CEP85: variants seen among roughly 807,000 people sequenced by gnomAD.
The protein encoded by CEP85 is centrosomal protein of 85 kDa.
A neutral mutation model predicts 93.7 loss-of-function variants in CEP85; 58 were observed. The ratio of observed to expected loss-of-function variants is 0.62; its 90% CI spans 0.50 to 0.77. The LOEUF (loss-of-function observed/expected upper bound fraction) is 0.77. CEP85 is among the 30% of genes least tolerant of loss of function. The pLI is 0.00. For missense variants in CEP85, 868 were observed against 922.0 expected (o/e 0.94, Z 0.76); for synonymous variants, 314 against 338.6 (o/e 0.93, Z 0.80).
chr1:26,276,488 C>G (rs1557671508), intron 12 of CEP85, 47 bp from the exon 13 acceptor site: 1 of 1,453,116 alleles, frequency 6.9e-7, no homozygotes, highest in African/African-American at 1.4e-5. Flanking sequence ...AGATACTCTT[C>G]CTCTCCCTGG....
chr1:26,274,156 T>G (rs2090019807), intron 11 of CEP85, among the ~76,000 whole-genome samples: 1 of 151,812 alleles, frequency 6.6e-6, no homozygotes, highest in African/African-American at 2.4e-5. Context: ...AATATCTCCC[T>G]TCCCCTGACC....
At chr1:26,276,461 C>T in intron 12 of CEP85, 74 bp from the exon 13 acceptor site, 1 of 1,216,698 alleles carries the variant, frequency 8.2e-7, no homozygotes, top group South Asian at 1.3e-5. Flanking sequence ...CCCTTCCACA[C>T]CCACACACTC....
At position 26,259,733 on chromosome 1, in the gene CEP85, G is replaced by T. The variant is rs566054081; in HGVS notation, c.1272G>T (p.Gln424His). 3 of 1,614,044 alleles carry T rather than the reference G, an allele frequency of 1.9e-6. No homozygotes were observed. The highest frequency in any genetic ancestry group is 2.7e-5 in the African/African-American group (2 of 75,062). Residue 424 changes from glutamine (Q) to histidine (H), a missense_variant, in exon 7 of 14, where the codon CAG (glutamine) becomes CAT (histidine). Transcript: ENST00000451429. ...KKLSASEVEV[Q>H]LIRESLKVAL... ...TCTCTGCTTCTGAAGTTGAAGTCCA[G>T]CTCATCAGAGAGTCGCTCAAAGTGG... is the stretch of plus-strand genomic sequence containing the variant.
intron 3 of CEP85, among the ~76,000 whole-genome samples, chr1:26,250,919 TTTTTTCTTTTTTC>T (rs2089597800): frequency 6.0e-5 from 2 of 33,290 alleles, no homozygotes; most frequent in South Asian, 1.0e-3. Context: ...CTTGCCTTTT[TTTTTTCTTTTTTC>T]TTTTTTTTTT....
At chr1:26,256,928 G>GGGTGTGTGTGTGTGTGTGT (rs1553159974) in intron 4 of CEP85, among the ~76,000 whole-genome samples, 2 of 111,492 alleles carry the variant, frequency 1.8e-5, no homozygotes, top group South Asian at 5.7e-4. Flanking sequence ...GTTTTGTTTT[G>GGGTGTGTGTGTGTGTGTGT]GTGTGTGTGT....
At chr1:26,250,010 AGCTGG>A (rs1255368486) in intron 3 of CEP85, among the ~76,000 whole-genome samples, 1 of 152,214 alleles carries the variant, frequency 6.6e-6, no homozygotes, top group East Asian at 1.9e-4. Context: ...ACTACTGAGT[AGCTGG>A]GCCTACAGAG....
chr1:26,257,998 T>G (rs2089735043), intron 5 of CEP85, 145 bp from the exon 6 acceptor site: 7 of 731,106 alleles, frequency 9.6e-6, no homozygotes, highest in South Asian at 1.7e-5. Flanking sequence ...CCCAGTTATC[T>G]TTCTCATTTG....
intron 3 of CEP85, among the ~76,000 whole-genome samples, chr1:26,250,219 A>C (rs1352053791): frequency 2.0e-5 from 3 of 152,204 alleles, no homozygotes; most frequent in Non-Finnish European, 4.4e-5. Context: ...GCATATTAGG[A>C]ACCAGGCCAC....
chr1:26,259,395 G>T (rs2089771608), intron 6 of CEP85, among the ~76,000 whole-genome samples: 1 of 152,186 alleles, frequency 6.6e-6, no homozygotes, highest in Admixed American at 6.5e-5. Flanking sequence ...TACAGTTTCT[G>T]GTTTGGTGGG....
chr1:26,269,417 A>C (rs1463092253), intron 8 of CEP85, 43 bp from the exon 9 acceptor site: 1 of 1,596,198 alleles, frequency 6.3e-7, no homozygotes, highest in Non-Finnish European at 8.6e-7. Context: ...TGCATTTATA[A>C]CACTTGGCTT....
rs758174550 is a variant in CEP85, at chr1:26,277,340, C to T, written c.*47C>T. 1 of 1,559,836 alleles carries T rather than the reference C, an allele frequency of 6.4e-7. No individual in the cohort carries two copies. The highest frequency in any genetic ancestry group is 2.3e-5 in the East Asian group (1 of 44,176). On this transcript the variant is annotated 3_prime_UTR_variant, in exon 14 of 14. Transcript: ENST00000451429. Reference sequence around the variant, plus strand: ...AGGGAGGAGCTGGGCTGCTGAGAGCCTAGTCCAGCAGGTTTCTGCCCTGAC... The same window carrying T: ...AGGGAGGAGCTGGGCTGCTGAGAGCTTAGTCCAGCAGGTTTCTGCCCTGAC...
chr1:26,270,408 G>A (rs924521806), intron 9 of CEP85, among the ~76,000 whole-genome samples: 3 of 152,192 alleles, frequency 2.0e-5, no homozygotes, highest in East Asian at 1.9e-4. Flanking sequence ...AGGATGTCTT[G>A]GGAGCCTTCT....
chr1:26,267,333 G>A (rs2089907273), intron 7 of CEP85, among the ~76,000 whole-genome samples: 1 of 150,830 alleles, frequency 6.6e-6, no homozygotes, highest in African/African-American at 2.4e-5. Context: ...GGAGGCCGAG[G>A]CAGGTGGATC....
At chr1:26,272,108 T>G in intron 11 of CEP85, 37 bp downstream of exon 11, 1 of 1,593,036 alleles carries the variant, frequency 6.3e-7, no homozygotes. Context: ...GGGCAGAACT[T>G]AATGATGGAA....
chr1:26,263,127 A>G (rs1464748986), intron 7 of CEP85: 1 of 204,268 alleles, frequency 4.9e-6, no homozygotes, highest in Non-Finnish European at 1.0e-5. Flanking sequence ...GATGTTTTAC[A>G]GTACTCTGTC....
intron 3 of CEP85, among the ~76,000 whole-genome samples, chr1:26,251,962 G>A (rs1042917497): frequency 6.6e-6 from 1 of 152,208 alleles, no homozygotes; most frequent in Admixed American, 6.5e-5. Flanking sequence ...GTTAAGCACG[G>A]TGGCTCATCC....
intron 11 of CEP85, among the ~76,000 whole-genome samples, chr1:26,272,896 TG>T (rs2089999781): frequency 6.6e-6 from 1 of 152,150 alleles, no homozygotes; most frequent in Non-Finnish European, 1.5e-5. Flanking sequence ...CCCAAAGTGC[TG>T]GGATTACAGG....
chr1:26,240,349 C>G (rs2089402428), intron 2 of CEP85, among the ~76,000 whole-genome samples: 1 of 152,122 alleles, frequency 6.6e-6, no homozygotes, highest in Non-Finnish European at 1.5e-5. Flanking sequence ...GGTTCCAAGA[C>G]CTCCTGCAGA....
chr1:26,251,546 C>T (rs1236552409), intron 3 of CEP85, among the ~76,000 whole-genome samples: 8 of 152,050 alleles, frequency 5.3e-5, no homozygotes, highest in South Asian at 2.1e-4. Flanking sequence ...CCACCATGCC[C>T]GGCCCCAAGC....
Sources: allele counts gnomAD v4.1 joint callset (sites outside exome capture counted in the v4.1 genomes callset), GRCh38; gene constraint gnomAD v4.1.1; transcripts MANE v1.5; gene names NCBI Gene and HGNC (gene_info 2026-07-23, HGNC 2026-07-21).